VAV3: variants seen among roughly 807,000 people sequenced by gnomAD.
VAV3 encodes the protein vav guanine nucleotide exchange factor 3.
Under a neutral mutation model 131.2 loss-of-function variants are expected in VAV3, and 94 were observed. The observed-to-expected ratio is 0.72, with a 90% CI of 0.61 to 0.85. The LOEUF is 0.85. Ranked by LOEUF, VAV3 falls within the 40% of genes least tolerant of loss-of-function variation. The pLI, the probability that VAV3 is intolerant of heterozygous loss-of-function variation, is 0.00. For synonymous variants in VAV3, 349 were observed against 342.0 expected, an observed-to-expected ratio of 1.02 and a Z score of -0.22; for missense variants, 939 against 1,002.7, an observed-to-expected ratio of 0.94 and a Z score of 0.86.
intron 9 of VAV3, among the ~76,000 whole-genome samples, chr1:107,764,440 C>T (rs753838698): frequency 1.3e-5 from 2 of 152,190 alleles, no homozygotes; most frequent in South Asian, 4.1e-4. Flanking sequence ...TATTTGTGTT[C>T]GTCTTCTCTT....
At chr1:107,933,617 CA>C (rs1242107047) in intron 1 of VAV3, among the ~76,000 whole-genome samples, 1 of 151,598 alleles carries the variant, frequency 6.6e-6, no homozygotes, top group African/African-American at 2.4e-5. Flanking sequence ...GTTAAGAGAC[CA>C]GCCTGGGGAA....
At chr1:107,603,825 A>G (rs1161584411) in intron 22 of VAV3, among the ~76,000 whole-genome samples, 1 of 132,834 alleles carries the variant, frequency 7.5e-6, no homozygotes, top group Non-Finnish European at 1.5e-5. Flanking sequence ...TTTTTTTTTG[A>G]GACAGAGCTT....
rs1656606052 is a variant in VAV3, at chr1:107,656,921, C to A, written c.1778-14166G>T. Among the ~76,000 whole-genome samples the A allele has an allele frequency of 2.0e-5, 3 of 146,824 alleles. No homozygotes were observed. In the Admixed American group the frequency reaches 2.1e-4, roughly 10 times the overall value. ...CAACACACAACACATTTACACATTTCCCATTTTCAGTCAAGACAATCCTTT... is the reference window on the plus strand; with the variant it reads ...CAACACACAACACATTTACACATTTACCATTTTCAGTCAAGACAATCCTTT... On this transcript the variant is annotated intron_variant, in intron 19 of 26. Transcript: ENST00000370056.
chr1:107,942,234 G>A (rs1369213478), intron 1 of VAV3, among the ~76,000 whole-genome samples: 7 of 152,176 alleles, frequency 4.6e-5, no homozygotes, highest in Non-Finnish European at 8.8e-5. Flanking sequence ...CTAGTGAGAT[G>A]ATGAATATTT....
chr1:107,609,848 GTT>G, intron 22 of VAV3, 81 bp downstream of exon 22: 1 of 1,379,464 alleles, frequency 7.2e-7, no homozygotes. Flanking sequence ...ATGGAATATG[GTT>G]TACTACCCCC....
At chr1:107,732,034 G>A (rs1404059602) in intron 15 of VAV3, among the ~76,000 whole-genome samples, 4 of 152,162 alleles carry the variant, frequency 2.6e-5, no homozygotes, top group Non-Finnish European at 4.4e-5. Context: ...GGTTGCAAAT[G>A]CCTTTCTTAG....
chr1:107,845,897 C>T (rs1668944244), intron 2 of VAV3, among the ~76,000 whole-genome samples: 1 of 152,158 alleles, frequency 6.6e-6, no homozygotes, highest in African/African-American at 2.4e-5. Context: ...TCCAGGAGAA[C>T]TTCCCCAAAC....
In VAV3 at chr1:107,735,377, T is replaced by C. The variant is rs537626341; in HGVS notation, c.1502+13591A>G. Among the ~76,000 whole-genome samples the C allele has an allele frequency of 4.6e-5, 7 of 152,040 alleles. No individual in the cohort carries two copies. The East Asian group carries it at 1.2e-3, about 25-fold the overall frequency. Reference sequence around the variant, plus strand: ...AAGGTTAGAGCAGAACTGAAGGAGATAGAGACACAAAAAACCCTTCAAAAA... The same window carrying C: ...AAGGTTAGAGCAGAACTGAAGGAGACAGAGACACAAAAAACCCTTCAAAAA... On this transcript the variant is annotated intron_variant, in intron 15 of 26. Coordinates refer to ENST00000370056, the MANE Select transcript of VAV3 (RefSeq NM_006113.5).
chr1:107,824,703 A>C (rs1667939458), intron 2 of VAV3, among the ~76,000 whole-genome samples: 1 of 152,178 alleles, frequency 6.6e-6, no homozygotes, highest in Non-Finnish European at 1.5e-5. Context: ...AAAATATTTC[A>C]ATATATTAAT....
chr1:107,896,441 T>C (rs1671580889), intron 1 of VAV3, among the ~76,000 whole-genome samples: 2 of 152,182 alleles, frequency 1.3e-5, no homozygotes, highest in African/African-American at 4.8e-5. Context: ...ACGTACATTC[T>C]CTGTATTTAT....
chr1:107,735,582 T>C (rs1165337754), intron 15 of VAV3, among the ~76,000 whole-genome samples: 1 of 152,118 alleles, frequency 6.6e-6, no homozygotes, highest in Non-Finnish European at 1.5e-5. Flanking sequence ...TAAACACCTC[T>C]ACGCAAATAA....
intron 1 of VAV3, among the ~76,000 whole-genome samples, chr1:107,920,649 GT>G (rs1462337017): frequency 6.6e-6 from 1 of 152,104 alleles, no homozygotes; most frequent in African/African-American, 2.4e-5. Context: ...TTGCAAAATT[GT>G]TTTATGTAAT....
chr1:107,939,853 C>G (rs1014964259), intron 1 of VAV3, among the ~76,000 whole-genome samples: 1 of 152,046 alleles, frequency 6.6e-6, no homozygotes, highest in Non-Finnish European at 1.5e-5. Context: ...TATCTCCCCC[C>G]ACCCCCATGC....
chr1:107,893,481 T>C (rs1025176228), intron 1 of VAV3, among the ~76,000 whole-genome samples: 2 of 152,170 alleles, frequency 1.3e-5, no homozygotes, highest in Non-Finnish European at 2.9e-5. Flanking sequence ...AAGAAGAGTT[T>C]AATGGACTTA....
chr1:107,661,211 A>T (rs1202909195), intron 19 of VAV3, among the ~76,000 whole-genome samples: 1 of 152,174 alleles, frequency 6.6e-6, no homozygotes, highest in East Asian at 1.9e-4. Flanking sequence ...CCATGCCAGG[A>T]TCTGCTAGCT....
intron 19 of VAV3, among the ~76,000 whole-genome samples, chr1:107,654,458 T>C (rs1476051872): frequency 6.6e-6 from 1 of 152,118 alleles, no homozygotes; most frequent in Non-Finnish European, 1.5e-5. Context: ...TATAAGCTTT[T>C]GTCATCTACA....
At chr1:107,576,303 T>C in intron 25 of VAV3, 1 of 1,077,386 alleles carries the variant, frequency 9.3e-7, no homozygotes, top group South Asian at 1.8e-5. Flanking sequence ...AGGAGATGTA[T>C]CCGTATGAGA....
chr1:107,893,545 C>T (rs957366098), intron 1 of VAV3, among the ~76,000 whole-genome samples: 1 of 152,088 alleles, frequency 6.6e-6, no homozygotes, highest in Non-Finnish European at 1.5e-5. Flanking sequence ...TGAGGAAGAG[C>T]AAGTCATGTC....
intron 2 of VAV3, among the ~76,000 whole-genome samples, chr1:107,847,726 T>C (rs1669036197): frequency 1.3e-5 from 2 of 152,114 alleles, no homozygotes; most frequent in South Asian, 2.1e-4. Flanking sequence ...CCAGGAATAA[T>C]TCAAATCCCT....
Sources: allele counts gnomAD v4.1 joint callset (sites outside exome capture counted in the v4.1 genomes callset), GRCh38; gene constraint gnomAD v4.1.1; transcripts MANE v1.5; gene names NCBI Gene and HGNC (gene_info 2026-07-23, HGNC 2026-07-21).